UNC80: variants seen among roughly 807,000 people sequenced by gnomAD.
UNC80 encodes unc-80 subunit of NALCN channel complex.
A neutral mutation model predicts 384.6 loss-of-function variants in UNC80; 164 were observed. The observed-to-expected ratio is 0.43, with a 90% CI of 0.38 to 0.49. The LOEUF (loss-of-function observed/expected upper bound fraction) is 0.49, where lower values mean the gene tolerates loss of function less well. Ranked by LOEUF, UNC80 falls within the 20% of genes least tolerant of loss-of-function variation. The probability of loss-of-function intolerance (pLI) is 0.00; values close to 1 mark genes in which losing one functional copy is unlikely to be tolerated. For missense variants in UNC80, 3,330 were observed against 4,143.0 expected, an observed-to-expected ratio of 0.80 and a Z score of 5.39; for synonymous variants, 1,486 against 1,527.8, an observed-to-expected ratio of 0.97 and a Z score of 0.64.
In UNC80 at chr2:209,878,647, A is replaced by T. The variant is rs182197212; in HGVS notation, c.3976+558A>T. ...TGTACCTATTTATTAAATTTATAAT[A>T]GAATTTCATCATAGAAAAGTAGAGA... On this transcript the variant is annotated intron_variant, in intron 24 of 64. Transcript: ENST00000673920. 2.0e-3 allele frequency among the ~76,000 whole-genome samples: 305 copies of T among 152,350 alleles called. 2 individuals carry two copies. Among genetic ancestry groups the T allele is most frequent in the African/African-American group, 7.1e-3 (295 of 41,574 alleles).
chr2:209,927,932 A>G lies in UNC80; in HGVS notation c.5806+946A>G, dbSNP rs531518715. On this transcript the variant is annotated intron_variant, in intron 36 of 64. Coordinates refer to ENST00000673920, the MANE Select transcript of UNC80 (RefSeq NM_001371986.1). Reference sequence around the variant, plus strand: ...TACCTCCATATGATAACATTCTGTGAATGCTGGAATTGCATTCTAGATGAA... The same window carrying G: ...TACCTCCATATGATAACATTCTGTGGATGCTGGAATTGCATTCTAGATGAA... Among the ~76,000 whole-genome samples, 110 of 152,322 alleles carry G rather than the reference A, an allele frequency of 7.2e-4. 1 individual carries two copies. Among genetic ancestry groups the G allele is most frequent in the African/African-American group, 2.5e-3 (106 of 41,580 alleles).
At chr2:209,945,754 T>C (rs1025712574) in intron 46 of UNC80, 93 bp from the exon 47 acceptor site, 8 of 784,890 alleles carry the variant, frequency 1.0e-5, no homozygotes, top group Non-Finnish European at 1.3e-5. Flanking sequence ...GGCTACAGTA[T>C]ATACTGGAAT....
intron 24 of UNC80, 77 bp from the exon 25 acceptor site, chr2:209,880,884 G>T (rs965056990): frequency 4.4e-6 from 6 of 1,378,904 alleles, no homozygotes; most frequent in South Asian, 1.3e-5. Context: ...TACATGTGTA[G>T]CTATGTCCAT....
rs2083662888 is a variant in UNC80 at position 209,865,414 on chromosome 2, A to G, written c.3628-7344A>G. Among the ~76,000 whole-genome samples the G allele has an allele frequency of 2.0e-5, 3 of 152,074 alleles. No homozygotes were observed. In the South Asian group the frequency reaches 6.2e-4, roughly 31 times the overall value. ...TCAGGAGATCGAGACCATCCTGGCT[A>G]ACACGGTGAAACCCCATCTCTACTA... On this transcript the variant is annotated intron_variant, in intron 22 of 64. Transcript: ENST00000673920.
chr2:209,829,887 A>T (rs1454782331), intron 15 of UNC80, among the ~76,000 whole-genome samples: 1 of 152,194 alleles, frequency 6.6e-6, no homozygotes, highest in Non-Finnish European at 1.5e-5. Context: ...AATTTTTTTT[A>T]AAAAGGCAAA....
At chr2:209,867,783 C>G (rs1328852187) in intron 22 of UNC80, among the ~76,000 whole-genome samples, 1 of 152,120 alleles carries the variant, frequency 6.6e-6, no homozygotes, top group Non-Finnish European at 1.5e-5. Flanking sequence ...CAGAATTGCA[C>G]TTTCTTGTAA....
chr2:209,890,613 A>C (rs1293550197), intron 26 of UNC80, among the ~76,000 whole-genome samples: 1 of 152,232 alleles, frequency 6.6e-6, no homozygotes, highest in Non-Finnish European at 1.5e-5. Context: ...TGCATCTTAA[A>C]ATGGGTGATA....
At chr2:209,918,489 C>T (rs2089746287) in intron 32 of UNC80, 43 bp from the exon 33 acceptor site, 1 of 1,540,610 alleles carries the variant, frequency 6.5e-7, no homozygotes, top group Non-Finnish European at 8.8e-7. Flanking sequence ...CTCATTCTAG[C>T]TTATATTCCC....
At chr2:209,817,747 A>G (rs1325391684) in intron 10 of UNC80, 65 bp from the exon 11 acceptor site, 1 of 1,537,708 alleles carries the variant, frequency 6.5e-7, no homozygotes, top group Non-Finnish European at 8.8e-7. Context: ...TGGGAAAGAC[A>G]ATATCTTGGC....
chr2:209,828,514 T>TC (rs898474106), intron 14 of UNC80, among the ~76,000 whole-genome samples: 2 of 152,052 alleles, frequency 1.3e-5, no homozygotes, highest in South Asian at 2.1e-4. Context: ...CTTTTTTTTT[T>TC]CTCTCTCAAA....
At chr2:209,777,183 C>G (rs1045243616) in intron 3 of UNC80, 75 bp from the exon 4 acceptor site, 11 of 1,450,660 alleles carry the variant, frequency 7.6e-6, no homozygotes, top group African/African-American at 1.4e-5. Context: ...GATATTCTTC[C>G]CAGACCCATT....
intron 8 of UNC80, among the ~76,000 whole-genome samples, chr2:209,814,632 C>A (rs766397265): frequency 6.6e-6 from 1 of 152,130 alleles, no homozygotes; most frequent in Non-Finnish European, 1.5e-5. Context: ...GAGAAGTAAA[C>A]TGAATGTGTA....
At chr2:209,986,238 C>T (rs1315763921) in intron 61 of UNC80, among the ~76,000 whole-genome samples, 1 of 152,116 alleles carries the variant, frequency 6.6e-6, no homozygotes, top group Admixed American at 6.5e-5. Flanking sequence ...TGATGGGAAC[C>T]TTGATTAGAA....
Position 209,772,069 on chromosome 2 carries a change from C to G in UNC80, c.-4C>G. On this transcript the variant is annotated 5_prime_UTR_variant, in exon 1 of 65. Transcript: ENST00000673920. Reference sequence around the variant, plus strand: ...CTGCAGTAGGACTCCCGGGAGCCACCATTATGGTGAAGAGGAAGAGCTCCG... The same window carrying G: ...CTGCAGTAGGACTCCCGGGAGCCACGATTATGGTGAAGAGGAAGAGCTCCG... 5 of 1,549,030 alleles carry G rather than the reference C, an allele frequency of 3.2e-6. No homozygotes were observed. Among genetic ancestry groups the G allele is most frequent in the Non-Finnish European group, 4.4e-6 (5 of 1,145,868 alleles).
In UNC80 at chr2:209,966,609, T is replaced by C. The variant is rs529832473; in HGVS notation, c.7806-828T>C. Among the ~76,000 whole-genome samples the C allele has an allele frequency of 3.0e-4, 45 of 152,372 alleles. 1 individual carries two copies. The Middle Eastern group carries it at 0.014, about 46-fold the overall frequency. ...TTTACTAGAAACCTCATTTTCCCAA[T>C]TAATCTATTTGGCCAATTCTCCTTC... On this transcript the variant is annotated intron_variant, in intron 51 of 64. Transcript: ENST00000673920.
intron 39 of UNC80, among the ~76,000 whole-genome samples, chr2:209,934,935 A>T (rs1475809929): frequency 6.6e-6 from 1 of 152,256 alleles, no homozygotes; most frequent in Admixed American, 6.5e-5. Context: ...TAACATACTT[A>T]AAAACAACTC....
intron 7 of UNC80, among the ~76,000 whole-genome samples, chr2:209,802,681 T>A (rs56963374): frequency 0.015 from 2,245 of 150,044 alleles, 63 homozygotes; most frequent in African/African-American, 0.051. Flanking sequence ...GCATTTTTTT[T>A]AACTTCTCTG....
At position 209,984,884 on chromosome 2, in the gene UNC80, G is replaced by A. The variant is rs2125025544; in HGVS notation, c.9286G>A (p.Gly3096Ser). The A allele has an allele frequency of 6.5e-7, 1 of 1,550,374 alleles. No individual in the cohort carries two copies. The change falls in exon 61 of 65, where the codon GGC (glycine) becomes AGC (serine). Residue 3096 changes from glycine (G) to serine (S), a missense_variant. Gly to Ser is a moderately conservative substitution (Grantham distance 56, BLOSUM62 0). This residue lies in a region of UNC80 where 216 missense variants were observed against 245.3 expected (regional missense o/e 0.88). Coordinates refer to ENST00000673920, the MANE Select transcript of UNC80 (RefSeq NM_001371986.1). ...SEPNVLDDSQ[G>S]LAAEGSLSRV... ...ACCTAATGTCCTCGATGACTCCCAG[G>A]GCCTGGCCGCCGAGGGCAGCCTCTC... is the stretch of plus-strand genomic sequence containing the variant.
chr2:209,781,076 A>G (rs1013848542), intron 4 of UNC80, among the ~76,000 whole-genome samples: 1 of 152,144 alleles, frequency 6.6e-6, no homozygotes, highest in Non-Finnish European at 1.5e-5. Flanking sequence ...GTGTTGCAGG[A>G]TGGGGCTTGT....
Sources: allele counts gnomAD v4.1 joint callset (sites outside exome capture counted in the v4.1 genomes callset), GRCh38; gene constraint gnomAD v4.1.1; regional missense constraint gnomAD v4.1.1; transcripts MANE v1.5; gene names NCBI Gene and HGNC (gene_info 2026-07-23, HGNC 2026-07-21).